The following DCDC1 variants were observed in gnomAD, a reference collection of about 807,000 sequenced individuals.
DCDC1 encodes the protein doublecortin domain-containing protein 1.
In DCDC1, 200 loss-of-function variants were observed where a neutral mutation model predicts 178.3. The ratio of observed to expected loss-of-function variants is 1.12; its 90% CI spans 1.00 to 1.26. The LOEUF (loss-of-function observed/expected upper bound fraction) is 1.26. Among genes scored for constraint, DCDC1 ranks in the 50% most tolerant of loss-of-function variants. DCDC1 has a pLI of 0.00. For synonymous variants in DCDC1, 690 were observed against 604.8 expected (o/e 1.14, Z -2.07); for missense variants, 1,983 against 1,749.2 (o/e 1.13, Z -2.38).
intron 20 of DCDC1, among the ~76,000 whole-genome samples, chr11:31,036,643 T>C (rs1954050996): frequency 6.6e-6 from 1 of 152,198 alleles, no homozygotes; most frequent in Non-Finnish European, 1.5e-5. Context: ...TCATGGTGGA[T>C]TGGTTCCTGG....
chr11:31,289,711 T>G (rs191941313), intron 7 of DCDC1, among the ~76,000 whole-genome samples: 3 of 152,034 alleles, frequency 2.0e-5, no homozygotes, highest in Admixed American at 2.0e-4. Context: ...ATGAGAACTT[T>G]CTGGGTGCCA....
intron 7 of DCDC1, among the ~76,000 whole-genome samples, chr11:31,276,254 T>C (rs566347314): frequency 2.0e-5 from 3 of 152,350 alleles, no homozygotes; most frequent in Admixed American, 2.0e-4. Context: ...CAGTATTCAC[T>C]ATATAAACCT....
rs896404292 is a variant in DCDC1 at position 31,008,719 on chromosome 11, C to T, written c.2591+55750G>A. On this transcript the variant is annotated intron_variant, in intron 20 of 38. Transcript: ENST00000684477. ...TCAAGAAAACTGGGATGCTTGCAAA[C>T]GGAAAGCAATGAGTTGCACTGCAGC... 1.2e-4 allele frequency among the ~76,000 whole-genome samples: 18 copies of T among 152,232 alleles called. No homozygotes were observed. The East Asian group carries it at 1.4e-3, about 11-fold the overall frequency.
At chr11:30,940,313 G>A (rs1190797814) in intron 21 of DCDC1, among the ~76,000 whole-genome samples, 1 of 152,090 alleles carries the variant, frequency 6.6e-6, no homozygotes, top group Non-Finnish European at 1.5e-5. Flanking sequence ...TCTGGACAAT[G>A]AGATGCCAGA....
chr11:31,227,537 C>A (rs1975154081), intron 9 of DCDC1, among the ~76,000 whole-genome samples: 1 of 151,772 alleles, frequency 6.6e-6, no homozygotes, highest in African/African-American at 2.4e-5. Flanking sequence ...ATTTCAGTAG[C>A]AATGAAGTGA....
chr11:31,143,084 T>TA (rs1964031916), intron 9 of DCDC1, among the ~76,000 whole-genome samples: 1 of 151,902 alleles, frequency 6.6e-6, no homozygotes, highest in South Asian at 2.1e-4. Flanking sequence ...AGGAGACAAT[T>TA]AAAAAACAAT....
intron 25 of DCDC1, 31 bp downstream of exon 25, chr11:30,920,745 G>C (rs1052747428): frequency 3.4e-5 from 55 of 1,609,122 alleles, no homozygotes; most frequent in Non-Finnish European, 4.4e-5. Context: ...AAAGCAGCCA[G>C]GTAGCTTTTC....
At chr11:30,913,211 G>A (rs1363640577) in intron 27 of DCDC1, among the ~76,000 whole-genome samples, 1 of 151,800 alleles carries the variant, frequency 6.6e-6, no homozygotes, top group African/African-American at 2.4e-5. Context: ...CACAAGGTCA[G>A]GAGATCAGAC....
At chr11:30,963,891 C>A (rs1448966522) in intron 20 of DCDC1, among the ~76,000 whole-genome samples, 4 of 152,052 alleles carry the variant, frequency 2.6e-5, no homozygotes. Flanking sequence ...TTTCTGCTAT[C>A]TACTTCTGGG....
At chr11:31,098,835 T>G (rs754049155) in intron 15 of DCDC1, among the ~76,000 whole-genome samples, 18 of 152,222 alleles carry the variant, frequency 1.2e-4, no homozygotes, top group Non-Finnish European at 2.2e-4. Flanking sequence ...GGAAGAGCTG[T>G]TTGTCTTTGA....
intron 20 of DCDC1, among the ~76,000 whole-genome samples, chr11:31,053,582 A>G (rs1357762160): frequency 6.6e-6 from 1 of 152,196 alleles, no homozygotes; most frequent in Non-Finnish European, 1.5e-5. Context: ...AATCCTTAAC[A>G]AAATACTACC....
intron 3 of DCDC1, among the ~76,000 whole-genome samples, chr11:31,315,319 T>TTC (rs1364493378): frequency 8.1e-6 from 1 of 123,912 alleles, no homozygotes; most frequent in African/African-American, 3.1e-5. Context: ...TTTTTTTTTT[T>TTC]TTTTTTTTTT....
At chr11:30,945,918 C>T (rs1948017849) in intron 21 of DCDC1, among the ~76,000 whole-genome samples, 1 of 152,078 alleles carries the variant, frequency 6.6e-6, no homozygotes, top group African/African-American at 2.4e-5. Flanking sequence ...CTAGAAGTGT[C>T]CCAGTTTCTG....
intron 30 of DCDC1, 105 bp from the exon 31 acceptor site, chr11:30,905,269 A>G (rs2134138039): frequency 1.7e-6 from 2 of 1,164,950 alleles, no homozygotes; most frequent in East Asian, 5.1e-5. Flanking sequence ...TGGTGTCTAC[A>G]TTTTGCAATG....
intron 1 of DCDC1, among the ~76,000 whole-genome samples, chr11:31,357,805 G>A (rs909646598): frequency 6.6e-6 from 1 of 151,788 alleles, no homozygotes; most frequent in East Asian, 1.9e-4. Flanking sequence ...CAGACAAACA[G>A]AGAGCCAAAT....
chr11:31,217,943 C>T (rs1973784929), intron 9 of DCDC1, among the ~76,000 whole-genome samples: 1 of 152,098 alleles, frequency 6.6e-6, no homozygotes, highest in Non-Finnish European at 1.5e-5. Context: ...TGTGTCCAAT[C>T]TGTTTTGGCT....
chr11:31,040,564 TCTAA>T (rs1350895502), intron 20 of DCDC1, among the ~76,000 whole-genome samples: 2 of 152,176 alleles, frequency 1.3e-5, no homozygotes, highest in Admixed American at 6.5e-5. Flanking sequence ...CAAACATGAT[TCTAA>T]CTGATAGCCA....
intron 15 of DCDC1, among the ~76,000 whole-genome samples, chr11:31,098,324 T>C (rs983972157): frequency 6.6e-6 from 1 of 152,164 alleles, no homozygotes; most frequent in Non-Finnish European, 1.5e-5. Context: ...TAAGTAACAA[T>C]AGAGAGATGT....
chr11:31,265,100 T>C (rs1055740949), intron 8 of DCDC1, among the ~76,000 whole-genome samples: 2 of 152,212 alleles, frequency 1.3e-5, no homozygotes, highest in Non-Finnish European at 2.9e-5. Context: ...GGTATGTTTG[T>C]TACATTTCAT....
Sources: gnomAD v4.1 joint callset for allele counts (sites outside exome capture counted in the v4.1 genomes callset) on GRCh38, gnomAD v4.1.1 for gene constraint, MANE v1.5 for transcripts, NCBI Gene and HGNC (gene_info 2026-07-23, HGNC 2026-07-21) for gene names.